EPB41L3: variants seen among roughly 807,000 people sequenced by gnomAD.
EPB41L3 encodes the protein erythrocyte membrane protein band 4.1 like 3, also known as band 4.1-like protein 3.
A neutral mutation model predicts 127.1 loss-of-function variants in EPB41L3; 57 were observed. The observed-to-expected ratio is 0.45, with a 90% CI of 0.36 to 0.56. The LOEUF (loss-of-function observed/expected upper bound fraction) is 0.56, where lower values mean the gene tolerates loss of function less well. Ranked by LOEUF, EPB41L3 falls within the 20% of genes least tolerant of loss-of-function variation. The pLI, the probability that EPB41L3 is intolerant of heterozygous loss-of-function variation, is 0.00. For synonymous variants in EPB41L3, 572 were observed against 549.5 expected, an observed-to-expected ratio of 1.04 and a Z score of -0.57; for missense variants, 1,273 against 1,372.2, an observed-to-expected ratio of 0.93 and a Z score of 1.14.
intron 1 of EPB41L3, among the ~76,000 whole-genome samples, chr18:5,500,622 G>A (rs934963960): frequency 2.0e-5 from 3 of 152,148 alleles, no homozygotes; most frequent in Non-Finnish European, 4.4e-5. Flanking sequence ...AGTACCACGG[G>A]GTGAAGGACA....
chr18:5,583,967 C>A (rs957789535), intron 3 of EPB41L3, among the ~76,000 whole-genome samples: 1 of 152,172 alleles, frequency 6.6e-6, no homozygotes, highest in South Asian at 2.1e-4. Context: ...CGCCACCACA[C>A]CAAGCTAATT....
intron 15 of EPB41L3, chr18:5,407,184 G>T: frequency 1.8e-6 from 1 of 570,194 alleles, no homozygotes; most frequent in Non-Finnish European, 3.1e-6. Context: ...ACACAAACAT[G>T]GATACCAAAA....
intron 1 of EPB41L3, among the ~76,000 whole-genome samples, chr18:5,528,397 A>G (rs1371736126): frequency 6.6e-6 from 1 of 152,014 alleles, no homozygotes; most frequent in Non-Finnish European, 1.5e-5. Context: ...GCTGGTCTCA[A>G]ACTCCTGAGC....
intron 3 of EPB41L3, among the ~76,000 whole-genome samples, chr18:5,584,323 G>T (rs538109736): frequency 6.6e-6 from 1 of 152,114 alleles, no homozygotes. Flanking sequence ...AACGTAACCC[G>T]TCTGAAGCAA....
chr18:5,408,723 T>C (rs1269675887), intron 14 of EPB41L3, among the ~76,000 whole-genome samples: 1 of 152,042 alleles, frequency 6.6e-6, no homozygotes, highest in Admixed American at 6.6e-5. Flanking sequence ...GATGGGACAA[T>C]TTTTGAAATT....
chr18:5,590,554 T>C (rs572197331), intron 3 of EPB41L3, among the ~76,000 whole-genome samples: 2 of 143,290 alleles, frequency 1.4e-5, no homozygotes, highest in African/African-American at 5.0e-5. Context: ...CCTAGAGAAG[T>C]GAACACTATG....
Position 5,445,137 on chromosome 18 carries a change from C to T in EPB41L3, c.486+3G>A. The T allele has an allele frequency of 6.2e-7, 1 of 1,612,534 alleles. No individual in the cohort carries two copies. Among genetic ancestry groups the T allele is most frequent in the Non-Finnish European group, 8.5e-7 (1 of 1,178,680 alleles). ...TTATTTTGCATTGCTTTTGATCACT[C>T]ACCTTCTGGTTTTCAGCATCTCGAT... On this transcript the variant is annotated splice_donor_region_variant and intron_variant, in intron 4 of 22. Transcript: ENST00000341928.
intron 1 of EPB41L3, among the ~76,000 whole-genome samples, chr18:5,527,598 C>T (rs551643528): frequency 3.2e-4 from 49 of 152,126 alleles, no homozygotes; most frequent in African/African-American, 1.1e-3. Context: ...GGGAGAAACA[C>T]GAAAACATAA....
intron 22 of EPB41L3, 168 bp downstream of exon 22, chr18:5,394,509 C>A: frequency 1.7e-6 from 1 of 573,094 alleles, no homozygotes. Context: ...ATGGAAGCTC[C>A]AAATGTGAGA....
intron 2 of EPB41L3, among the ~76,000 whole-genome samples, chr18:5,614,063 A>G (rs1251586781): frequency 6.6e-6 from 1 of 152,188 alleles, no homozygotes; most frequent in East Asian, 1.9e-4. Context: ...CAGAAGGGCA[A>G]ATGATACAAG....
chr18:5,593,646 T>G (rs1305346051), intron 3 of EPB41L3, among the ~76,000 whole-genome samples: 2 of 152,106 alleles, frequency 1.3e-5, no homozygotes, highest in Admixed American at 1.3e-4. Flanking sequence ...TGACCAAAAT[T>G]TATTAGGCGG....
intron 3 of EPB41L3, among the ~76,000 whole-genome samples, chr18:5,601,375 G>A (rs1012701377): frequency 4.6e-5 from 7 of 152,042 alleles, no homozygotes; most frequent in Non-Finnish European, 7.4e-5. Flanking sequence ...GCTATCCCAG[G>A]GCTGGCTTTG....
At chr18:5,546,413 C>T (rs184065300), upstream of EPB41L3, among the ~76,000 whole-genome samples, 3 of 152,000 alleles carry the variant, frequency 2.0e-5, no homozygotes, top group Admixed American at 2.0e-4. Flanking sequence ...CGCCTGTAAT[C>T]CCAGCTACTC....
At chr18:5,563,710 G>T (rs1028981089) in intron 3 of EPB41L3, among the ~76,000 whole-genome samples, 6 of 152,168 alleles carry the variant, frequency 3.9e-5, no homozygotes, top group African/African-American at 1.4e-4. Context: ...CCAACTGGGG[G>T]TGGTGCCATT....
rs375756628 is a variant in EPB41L3 at position 5,406,735 on chromosome 18, G to A, written c.2349+42C>T. Reference sequence around the variant, plus strand: ...CCACACCCTGTAGAGAAGGAAGGCGGGTAAACAGAATACGAGTCTGACCAC... The same window carrying A: ...CCACACCCTGTAGAGAAGGAAGGCGAGTAAACAGAATACGAGTCTGACCAC... On this transcript the variant is annotated intron_variant, in intron 16 of 22. Coordinates refer to ENST00000341928, the MANE Select transcript of EPB41L3 (RefSeq NM_012307.5). 66 of 1,559,364 alleles carry A rather than the reference G, an allele frequency of 4.2e-5. No individual in the cohort carries two copies. The African/African-American group carries it at 8.0e-4, about 19-fold the overall frequency.
intron 3 of EPB41L3, among the ~76,000 whole-genome samples, chr18:5,551,881 C>A (rs1490533491): frequency 6.6e-6 from 1 of 152,034 alleles, no homozygotes; most frequent in Non-Finnish European, 1.5e-5. Context: ...AGCTGTATCC[C>A]AAACCAATTA....
At chr18:5,435,801 A>G (rs936445358) in intron 6 of EPB41L3, among the ~76,000 whole-genome samples, 1 of 152,228 alleles carries the variant, frequency 6.6e-6, no homozygotes, top group African/African-American at 2.4e-5. Context: ...CTCAATAGCT[A>G]TGTCATTATA....
chr18:5,465,425 CTT>C (rs1484721195), intron 3 of EPB41L3, among the ~76,000 whole-genome samples: 1 of 152,004 alleles, frequency 6.6e-6, no homozygotes, highest in Non-Finnish European at 1.5e-5. Context: ...TTTTCGGTGT[CTT>C]ATATATTATT....
chr18:5,629,387 G>T (rs1009983686), upstream of EPB41L3, among the ~76,000 whole-genome samples: 3 of 149,914 alleles, frequency 2.0e-5, no homozygotes, highest in African/African-American at 7.4e-5. Context: ...CTGCCTCCCG[G>T]AGGATCGCAC....
Sources: allele counts gnomAD v4.1 joint callset (sites outside exome capture counted in the v4.1 genomes callset), GRCh38; gene constraint gnomAD v4.1.1; transcripts MANE v1.5; gene names NCBI Gene and HGNC (gene_info 2026-07-23, HGNC 2026-07-21).